Variants in PEX13 observed in about 807,000 individuals in gnomAD.
PEX13 encodes peroxisomal biogenesis factor 13.
A neutral mutation model predicts 34.5 loss-of-function variants in PEX13; 28 were observed. That is an observed-to-expected ratio of 0.81 (90% confidence interval 0.60 to 1.11). The LOEUF is 1.11. Among genes scored for constraint, PEX13 ranks in the 50% most tolerant of loss-of-function variants. The probability of loss-of-function intolerance (pLI) is 0.00; values close to 1 mark genes in which losing one functional copy is unlikely to be tolerated. For missense variants in PEX13, 550 were observed against 491.0 expected (o/e 1.12, Z -1.13); for synonymous variants, 177 against 175.1 (o/e 1.01, Z -0.09).
chr2:61,020,728 C>T (rs188737665), intron 1 of PEX13, among the ~76,000 whole-genome samples: 35 of 152,266 alleles, frequency 2.3e-4, no homozygotes, highest in African/African-American at 8.4e-4. Flanking sequence ...AATCTTGGCT[C>T]ATGGCAACCT....
intron 2 of PEX13, among the ~76,000 whole-genome samples, chr2:61,033,470 A>G (rs1180597310): frequency 6.6e-6 from 1 of 152,220 alleles, no homozygotes; most frequent in South Asian, 2.1e-4. Flanking sequence ...GGTGCCAACT[A>G]CATACCAAAG....
In PEX13 at chr2:61,031,635, G is replaced by A. The variant is rs1486752806; in HGVS notation, c.309G>A (p.Leu103=). The change falls in exon 2 of 4, where the codon CTG becomes CTA. Residue 103 remains leucine (L), a synonymous_variant. Transcript: ENST00000295030. ...YSPYSYGYNG[L]GYNRLRVDDL... ...CTTATAGTTATGGATATAATGGGCT[G>A]GGCTACAACCGCCTCCGTGTAGATG... 6.2e-7 allele frequency: 1 copy of A among 1,613,972 alleles called. No homozygotes were observed. The highest frequency in any genetic ancestry group is 1.3e-5 in the African/African-American group (1 of 74,910).
chr2:61,018,318 C>T (rs1680152191), intron 1 of PEX13: 3 of 1,547,450 alleles, frequency 1.9e-6, no homozygotes, highest in South Asian at 2.4e-5. Flanking sequence ...GCAACAGGAA[C>T]TCAAGCCCCG....
chr2:61,035,248 A>G (rs1680516284), intron 2 of PEX13, among the ~76,000 whole-genome samples: 1 of 152,230 alleles, frequency 6.6e-6, no homozygotes, highest in Non-Finnish European at 1.5e-5. Context: ...TGTTAGAAGG[A>G]AAACTAACAA....
At chr2:61,027,196 G>C (rs1423200430) in intron 1 of PEX13, among the ~76,000 whole-genome samples, 1 of 150,826 alleles carries the variant, frequency 6.6e-6, no homozygotes, top group Non-Finnish European at 1.5e-5. Flanking sequence ...AAAAAAGGCA[G>C]GCATGGTGGT....
At chr2:61,047,992 T>G (rs1480703787) in intron 3 of PEX13, among the ~76,000 whole-genome samples, 2 of 152,066 alleles carry the variant, frequency 1.3e-5, no homozygotes, top group African/African-American at 4.8e-5. Context: ...ATATTTACTG[T>G]CTTCAGGATT....
intron 1 of PEX13, among the ~76,000 whole-genome samples, chr2:61,026,783 G>C (rs1680363897): frequency 6.6e-6 from 1 of 151,846 alleles, no homozygotes; most frequent in South Asian, 2.1e-4. Context: ...TCATTCCTGA[G>C]CTGTTATATA....
rs575650420 is a variant in PEX13 at position 61,049,368 on chromosome 2, A to G, written c.*598A>G. 6.5e-6 allele frequency: 1 copy of G among 153,168 alleles called. No homozygotes were observed. Among genetic ancestry groups the G allele is most frequent in the African/African-American group, 2.4e-5 (1 of 41,594 alleles). The allele number at this position is 153,168 out of a possible 1,614,324, so 9.5% of individuals were successfully genotyped here. On this transcript the variant is annotated 3_prime_UTR_variant, in exon 4 of 4. Coordinates refer to ENST00000295030, the MANE Select transcript of PEX13 (RefSeq NM_002618.4). ...GTCACCCAGAAGCATTCTGAAGGAA[A>G]TGGTTCTAGAATTATAGAGTATGTA...
chr2:61,048,315 C>G (rs1300524019), intron 3 of PEX13, among the ~76,000 whole-genome samples, 157 bp from the exon 4 acceptor site: 1 of 152,154 alleles, frequency 6.6e-6, no homozygotes, highest in East Asian at 1.9e-4. Flanking sequence ...AACTGTTAAG[C>G]CTACTCAGCA....
intron 2 of PEX13, among the ~76,000 whole-genome samples, chr2:61,044,317 T>C (rs2104811710): frequency 6.6e-6 from 1 of 152,294 alleles, no homozygotes; most frequent in Admixed American, 6.5e-5. Context: ...TTGCCCAGGC[T>C]GGAGTGCGTA....
chr2:61,022,966 A>C (rs17539345), intron 1 of PEX13, among the ~76,000 whole-genome samples: 32,317 of 151,828 alleles, frequency 0.21, 3,631 homozygotes, highest in Middle Eastern at 0.33. Context: ...CTGGTTTTGT[A>C]TCAAAGTTTT....
At chr2:61,025,502 G>A (rs576320526) in intron 1 of PEX13, among the ~76,000 whole-genome samples, 1 of 152,152 alleles carries the variant, frequency 6.6e-6, no homozygotes, top group Non-Finnish European at 1.5e-5. Context: ...GGGATTACAG[G>A]CATTCGCCAC....
At chr2:61,032,837 A>G (rs556095152) in intron 2 of PEX13, among the ~76,000 whole-genome samples, 2 of 152,308 alleles carry the variant, frequency 1.3e-5, no homozygotes, top group African/African-American at 4.8e-5. Context: ...AGAAACAAAA[A>G]CTATCAAGCT....
At chr2:61,027,600 C>T (rs1363005234) in intron 1 of PEX13, among the ~76,000 whole-genome samples, 2 of 152,194 alleles carry the variant, frequency 1.3e-5, no homozygotes, top group East Asian at 1.9e-4. Flanking sequence ...GAGCACTTTT[C>T]GTTTTTGTTA....
chr2:61,051,275 T>G lies in PEX13; in HGVS notation c.*2505T>G, dbSNP rs559071637. The G allele has an allele frequency of 3.9e-5, 6 of 152,500 alleles. No individual in the cohort carries two copies. Among genetic ancestry groups the G allele is most frequent in the Admixed American group, 3.3e-4 (5 of 15,302 alleles). The allele number at this position is 152,500 out of a possible 1,614,324, so 9.4% of individuals were successfully genotyped here. On this transcript the variant is annotated 3_prime_UTR_variant, in exon 4 of 4. Transcript: ENST00000295030. ...TTTGTCAGATAATTTATAGAAATTT[T>G]GTTCTCAAAACAAATGTTTGATAAA...
At position 61,018,045 on chromosome 2, in the gene PEX13, C is replaced by T. The variant is rs1460336090; in HGVS notation, c.92+194C>T. 6 of 1,456,028 alleles carry T rather than the reference C, an allele frequency of 4.1e-6. No individual in the cohort carries two copies. The Admixed American group carries it at 1.4e-4, about 35-fold the overall frequency. 90.2% of individuals were successfully genotyped at this position (1,456,028 alleles called of 1,614,324 possible). A position where few individuals can be genotyped will look rare whatever the true frequency, so the allele number is the denominator to read the frequency against. On this transcript the variant is annotated intron_variant, in intron 1 of 3. Transcript: ENST00000295030. ...TAGTGTCTCACAGCTGTTTCTGACC[C>T]GGCAGCTCTAATCAGCAACGTTTTT...
chr2:61,018,023 T>G (rs1454270794), intron 1 of PEX13, 172 bp downstream of exon 1: 1 of 1,396,012 alleles, frequency 7.2e-7, no homozygotes, highest in East Asian at 2.5e-5. Context: ...GGGACTTTAG[T>G]GTCTCACAGC....
chr2:61,029,735 C>T (rs562747301), intron 1 of PEX13, among the ~76,000 whole-genome samples: 1 of 151,694 alleles, frequency 6.6e-6, no homozygotes, highest in South Asian at 2.1e-4. Flanking sequence ...TCACTTGAGG[C>T]CAGGAGTTGG....
chr2:61,031,332 C>T (rs1172652391), intron 1 of PEX13, 87 bp from the exon 2 acceptor site: 2 of 935,468 alleles, frequency 2.1e-6, no homozygotes, highest in South Asian at 1.4e-5. Context: ...TGTCATAGCA[C>T]CAGGTATATA....
Sources: gnomAD v4.1 joint callset for allele counts (sites outside exome capture counted in the v4.1 genomes callset) on GRCh38, gnomAD v4.1.1 for gene constraint, MANE v1.5 for transcripts, NCBI Gene and HGNC (gene_info 2026-07-23, HGNC 2026-07-21) for gene names.